ATP9B: variants seen among roughly 807,000 people sequenced by gnomAD.
ATP9B encodes ATPase phospholipid transporting 9B.
In ATP9B, 110 loss-of-function variants were observed where a neutral mutation model predicts 146.1. The ratio of observed to expected loss-of-function variants is 0.75; its 90% CI spans 0.65 to 0.88. ATP9B has a LOEUF of 0.88. Ranked by LOEUF, ATP9B falls within the 40% of genes least tolerant of loss-of-function variation. The pLI is 0.00. For missense variants in ATP9B, 1,499 were observed against 1,496.4 expected, an observed-to-expected ratio of 1.00 and a Z score of -0.03; for synonymous variants, 604 against 569.7, an observed-to-expected ratio of 1.06 and a Z score of -0.86.
At position 79,195,970 on chromosome 18, in the gene ATP9B, T is replaced by C. The variant is rs533771434; in HGVS notation, c.954+2707T>C. Among the ~76,000 whole-genome samples the C allele has an allele frequency of 1.1e-4, 17 of 152,294 alleles. No homozygotes were observed. In the East Asian group the frequency reaches 2.9e-3, roughly 26 times the overall value. ...TACAAGGATGTCTGAAGGTACACAC[T>C]AAAAGGGCCCAGCATGCACGTGAGA... On this transcript the variant is annotated intron_variant, in intron 9 of 29. Transcript: ENST00000426216.
chr18:79,314,711 C>T (rs773171626), intron 15 of ATP9B, among the ~76,000 whole-genome samples: 10 of 152,212 alleles, frequency 6.6e-5, no homozygotes, highest in Non-Finnish European at 1.3e-4. Context: ...ACTTGCTCTC[C>T]GCAGGCTCAG....
chr18:79,113,526 A>G (rs1292691258), intron 4 of ATP9B, among the ~76,000 whole-genome samples, 172 bp downstream of exon 4: 2 of 152,222 alleles, frequency 1.3e-5, no homozygotes, highest in Non-Finnish European at 2.9e-5. Context: ...TCTGAGAACC[A>G]TGGGAAGTAT....
In ATP9B at chr18:79,351,579, A is replaced by G. The variant is rs577239906; in HGVS notation, c.2903+3383A>G. Among the ~76,000 whole-genome samples, 3 of 152,378 alleles carry G rather than the reference A, an allele frequency of 2.0e-5. No individual in the cohort carries two copies. The South Asian group carries it at 6.2e-4, about 32-fold the overall frequency. The stretch of plus-strand genomic sequence containing the variant: ...TTACAAAATAACATCTAACTAGAAC[A>G]AAATCATGTCTATGATAAACTGGCT... On this transcript the variant is annotated intron_variant, in intron 25 of 29. Transcript: ENST00000426216.
At chr18:79,348,873 A>G (rs1237197846) in intron 25 of ATP9B, among the ~76,000 whole-genome samples, 3 of 152,186 alleles carry the variant, frequency 2.0e-5, no homozygotes, top group African/African-American at 7.2e-5. Flanking sequence ...AATCCCAGCT[A>G]CTCAGGAGAC....
chr18:79,276,973 G>A, intron 12 of ATP9B, 81 bp from the exon 13 acceptor site: 1 of 1,553,662 alleles, frequency 6.4e-7, no homozygotes, highest in Non-Finnish European at 8.8e-7. Flanking sequence ...CCACTGCAGT[G>A]GGTTTTATCT....
rs181403769 is a variant in ATP9B at position 79,253,252 on chromosome 18, A to G, written c.1108-129A>G. On this transcript the variant is annotated intron_variant, in intron 11 of 29. Coordinates refer to ENST00000426216, the MANE Select transcript of ATP9B (RefSeq NM_198531.5). ...AATTCTGCCTGAATTTTCATATTTC[A>G]TTATAATAAAGGCTAATACCAATAA... is the stretch of plus-strand genomic sequence containing the variant. 121 of 793,072 alleles carry G rather than the reference A, an allele frequency of 1.5e-4. No individual in the cohort carries two copies. The East Asian group carries it at 3.2e-3, about 21-fold the overall frequency. 49.1% of individuals were successfully genotyped at this position (793,072 alleles called of 1,614,324 possible). A position where few individuals can be genotyped will look rare whatever the true frequency, so the allele number is the denominator to read the frequency against.
chr18:79,155,997 T>C (rs1457165058), intron 7 of ATP9B, among the ~76,000 whole-genome samples: 2 of 151,904 alleles, frequency 1.3e-5, no homozygotes, highest in Non-Finnish European at 2.9e-5. Context: ...CTCCTGACCT[T>C]GTGATCCACC....
chr18:79,329,140 G>A lies in ATP9B; in HGVS notation c.1774-1G>A, dbSNP rs1197769197. 1.3e-6 allele frequency: 2 copies of A among 1,583,992 alleles called. No homozygotes were observed. Among genetic ancestry groups the A allele is most frequent in the Non-Finnish European group, 1.7e-6 (2 of 1,165,396 alleles). ...CCTCAGTTGTTGCTGGTCTCCCGTA[G>A]GTCGCTCTGGTGCAGTGGACAGAGA... On this transcript the variant is annotated splice_acceptor_variant, in intron 15 of 29. Transcript: ENST00000426216. LOFTEE classifies it high-confidence loss of function.
intron 15 of ATP9B, among the ~76,000 whole-genome samples, chr18:79,308,412 C>A (rs1250812462): frequency 6.6e-6 from 1 of 152,148 alleles, no homozygotes; most frequent in Non-Finnish European, 1.5e-5. Flanking sequence ...AGCTATCAAA[C>A]AAGAAATAAA....
intron 11 of ATP9B, among the ~76,000 whole-genome samples, chr18:79,215,775 C>T (rs1441243864): frequency 6.6e-6 from 1 of 152,112 alleles, no homozygotes; most frequent in East Asian, 1.9e-4. Flanking sequence ...CTGCAGCCTC[C>T]AGCTCCTGGG....
intron 8 of ATP9B, among the ~76,000 whole-genome samples, chr18:79,189,326 G>A (rs750555648): frequency 2.0e-5 from 3 of 151,082 alleles, no homozygotes; most frequent in Non-Finnish European, 4.4e-5. Context: ...CAGCCTGGGC[G>A]ACAGAGCGAG....
At chr18:79,199,313 C>A (rs957133208) in intron 9 of ATP9B, among the ~76,000 whole-genome samples, 4 of 152,130 alleles carry the variant, frequency 2.6e-5, no homozygotes, top group South Asian at 4.1e-4. Context: ...GGCCCTATAA[C>A]TTTAATTTTT....
chr18:79,188,076 C>T (rs900027891), intron 8 of ATP9B, among the ~76,000 whole-genome samples: 8 of 151,992 alleles, frequency 5.3e-5, no homozygotes, highest in Non-Finnish European at 7.4e-5. Flanking sequence ...TATTGGAATG[C>T]GTGTGTAGAA....
At chr18:79,308,321 G>A (rs2096630453) in intron 15 of ATP9B, among the ~76,000 whole-genome samples, 1 of 152,188 alleles carries the variant, frequency 6.6e-6, no homozygotes, top group African/African-American at 2.4e-5. Flanking sequence ...CCCCGCCCGA[G>A]AGACATGAGA....
At chr18:79,329,694 G>A (rs2147115259) in intron 16 of ATP9B, among the ~76,000 whole-genome samples, 1 of 152,182 alleles carries the variant, frequency 6.6e-6, no homozygotes, top group East Asian at 1.9e-4. Context: ...ATCATATCTT[G>A]GAAGTTGACT....
intron 1 of ATP9B, among the ~76,000 whole-genome samples, chr18:79,088,251 A>G (rs1245859073): frequency 6.6e-6 from 1 of 152,236 alleles, no homozygotes; most frequent in Non-Finnish European, 1.5e-5. Flanking sequence ...TTTTACTAAA[A>G]TAAGACATAA....
chr18:79,302,586 G>A (rs1285268307), intron 13 of ATP9B, among the ~76,000 whole-genome samples: 3 of 152,222 alleles, frequency 2.0e-5, no homozygotes, highest in Admixed American at 6.5e-5. Context: ...CATGTAATAT[G>A]TGTATTTTTA....
intron 8 of ATP9B, among the ~76,000 whole-genome samples, chr18:79,185,952 A>G (rs2095304547): frequency 6.6e-6 from 1 of 152,226 alleles, no homozygotes; most frequent in Non-Finnish European, 1.5e-5. Context: ...TCAGAGAATT[A>G]AAATTTCAGA....
chr18:79,325,171 A>G (rs2096737427), intron 15 of ATP9B, among the ~76,000 whole-genome samples: 1 of 152,172 alleles, frequency 6.6e-6, no homozygotes, highest in Admixed American at 6.5e-5. Flanking sequence ...CTAGAGCAGG[A>G]CTAGCTGGTA....
Sources: gnomAD v4.1 joint callset for allele counts (sites outside exome capture counted in the v4.1 genomes callset) on GRCh38, gnomAD v4.1.1 for gene constraint, MANE v1.5 for transcripts, NCBI Gene and HGNC (gene_info 2026-07-23, HGNC 2026-07-21) for gene names.